Variants in PRKD1 observed in about 807,000 individuals in gnomAD.
The protein encoded by PRKD1 is protein kinase D1.
A neutral mutation model predicts 95.9 loss-of-function variants in PRKD1; 63 were observed. The observed-to-expected ratio is 0.66, with a 90% CI of 0.54 to 0.81. The LOEUF is 0.81. Among genes scored for constraint, PRKD1 ranks in the 30% least tolerant of loss-of-function variants. The pLI, the probability that PRKD1 is intolerant of heterozygous loss-of-function variation, is 0.00. For synonymous variants in PRKD1, 425 were observed against 423.1 expected (o/e 1.00, Z -0.05); for missense variants, 1,048 against 1,165.3 (o/e 0.90, Z 1.47).
chr14:29,910,457 C>T (rs1894667483), intron 1 of PRKD1, among the ~76,000 whole-genome samples: 1 of 152,104 alleles, frequency 6.6e-6, no homozygotes, highest in South Asian at 2.1e-4. Context: ...GTCAGCGAGG[C>T]CAAGAACCCA....
intron 2 of PRKD1, among the ~76,000 whole-genome samples, chr14:29,718,162 GT>G (rs945252977): frequency 1.3e-5 from 2 of 152,152 alleles, no homozygotes; most frequent in African/African-American, 4.8e-5. Flanking sequence ...TAGGCTTCGT[GT>G]CCCCACCCGA....
At chr14:29,734,156 C>G (rs796129418) in intron 1 of PRKD1, among the ~76,000 whole-genome samples, 5 of 150,690 alleles carry the variant, frequency 3.3e-5, no homozygotes, top group African/African-American at 1.2e-4. Flanking sequence ...AATTCTCCTG[C>G]CTCAGCCTCC....
chr14:29,773,880 G>A (rs1319866421), intron 1 of PRKD1, among the ~76,000 whole-genome samples: 1 of 152,196 alleles, frequency 6.6e-6, no homozygotes, highest in Non-Finnish European at 1.5e-5. Context: ...TCAGTAGTGA[G>A]TGTGACACTG....
chr14:29,727,012 C>A (rs1200441771), intron 1 of PRKD1, among the ~76,000 whole-genome samples: 2 of 152,168 alleles, frequency 1.3e-5, no homozygotes, highest in Admixed American at 6.5e-5. Flanking sequence ...TACAGTCCCA[C>A]CAACAGTGTA....
intron 1 of PRKD1, among the ~76,000 whole-genome samples, chr14:29,786,746 T>TA (rs2139182964): frequency 6.6e-6 from 1 of 152,200 alleles, no homozygotes; most frequent in South Asian, 2.1e-4. Context: ...ACGGTTAGCG[T>TA]AACTAGTGAT....
chr14:29,584,067 C>T (rs1156817912), intron 16 of PRKD1, among the ~76,000 whole-genome samples: 1 of 152,072 alleles, frequency 6.6e-6, no homozygotes, highest in African/African-American at 2.4e-5. Context: ...GCTAGGTGCA[C>T]AAGGATACCT....
At chr14:29,792,688 G>A (rs28497221) in intron 1 of PRKD1, among the ~76,000 whole-genome samples, 44 of 151,994 alleles carry the variant, frequency 2.9e-4, no homozygotes, top group African/African-American at 1.0e-3. Flanking sequence ...CCAAGACATG[G>A]CATTGTTGAA....
intron 1 of PRKD1, among the ~76,000 whole-genome samples, chr14:29,807,968 C>T (rs1225038084): frequency 1.3e-5 from 2 of 152,062 alleles, no homozygotes; most frequent in Non-Finnish European, 2.9e-5. Context: ...GTGATTCGCC[C>T]GCCTTGGCCT....
At chr14:29,707,203 A>C (rs1223680638) in intron 2 of PRKD1, among the ~76,000 whole-genome samples, 1 of 152,186 alleles carries the variant, frequency 6.6e-6, no homozygotes, top group African/African-American at 2.4e-5. Flanking sequence ...ATAGAGAAAT[A>C]TTGTTATCCA....
chr14:29,812,916 C>T lies in PRKD1; in HGVS notation c.265-87242G>A, dbSNP rs190495491. Among the ~76,000 whole-genome samples, 11 of 152,204 alleles carry T rather than the reference C, an allele frequency of 7.2e-5. No individual in the cohort carries two copies. In the East Asian group the frequency reaches 1.5e-3, roughly 21 times the overall value. On this transcript the variant is annotated intron_variant, in intron 1 of 17. Transcript: ENST00000331968. Reference sequence around the variant, plus strand: ...CTCAGGTCAGGAGTTCTTGACCAGCCGGCCTACATGGCGAAACCCTAGTCT... The same window carrying T: ...CTCAGGTCAGGAGTTCTTGACCAGCTGGCCTACATGGCGAAACCCTAGTCT...
intron 1 of PRKD1, among the ~76,000 whole-genome samples, chr14:29,868,127 T>C (rs1167593902): frequency 6.6e-6 from 1 of 152,148 alleles, no homozygotes; most frequent in Non-Finnish European, 1.5e-5. Flanking sequence ...TTACCTTATG[T>C]CTGGCCAAGT....
chr14:29,815,853 T>C (rs539521714), intron 1 of PRKD1, among the ~76,000 whole-genome samples: 1 of 152,340 alleles, frequency 6.6e-6, no homozygotes, highest in Admixed American at 6.5e-5. Context: ...TAATACTCAT[T>C]TCTTTATTAG....
In PRKD1 at chr14:29,881,289, T is replaced by C. The variant is rs535041740; in HGVS notation, c.264+45960A>G. ...AATAAGTCTCACAAGATCTGATGGG[T>C]TTATCAGGGGCTTCCACTTTTGCTC... On this transcript the variant is annotated intron_variant, in intron 1 of 17. Transcript: ENST00000331968. Among the ~76,000 whole-genome samples, 79 of 152,232 alleles carry C rather than the reference T, an allele frequency of 5.2e-4. No homozygotes were observed. The Middle Eastern group carries it at 0.01, about 20-fold the overall frequency.
intron 1 of PRKD1, among the ~76,000 whole-genome samples, chr14:29,831,660 G>T (rs999826318): frequency 6.6e-6 from 1 of 151,528 alleles, no homozygotes. Flanking sequence ...GTAGAGATGG[G>T]GTTTCACCAT....
intron 1 of PRKD1, among the ~76,000 whole-genome samples, chr14:29,746,553 CAT>C (rs1555340943): frequency 4.0e-5 from 6 of 151,662 alleles, no homozygotes; most frequent in Non-Finnish European, 5.9e-5. Context: ...CACACACACA[CAT>C]AATCCCTCTA....
intron 1 of PRKD1, among the ~76,000 whole-genome samples, chr14:29,747,740 A>C (rs1189879886): frequency 6.6e-6 from 1 of 152,088 alleles, no homozygotes. Context: ...TTTTTACTTT[A>C]TTAATTAATA....
At chr14:29,880,739 C>T (rs1474860631) in intron 1 of PRKD1, among the ~76,000 whole-genome samples, 1 of 151,970 alleles carries the variant, frequency 6.6e-6, no homozygotes, top group African/African-American at 2.4e-5. Context: ...AGGGGCGGAG[C>T]TACACAAGAC....
intron 2 of PRKD1, among the ~76,000 whole-genome samples, chr14:29,722,113 T>C (rs952466554): frequency 6.6e-6 from 1 of 152,222 alleles, no homozygotes; most frequent in Non-Finnish European, 1.5e-5. Flanking sequence ...ACTGCAGTCC[T>C]GTGTCAGAAA....
chr14:29,627,841 A>G (rs1879725908), intron 11 of PRKD1, among the ~76,000 whole-genome samples: 1 of 152,166 alleles, frequency 6.6e-6, no homozygotes, highest in Admixed American at 6.5e-5. Context: ...GATGAGTTCA[A>G]CGCTGTCTAG....
Sources: allele counts gnomAD v4.1 joint callset (sites outside exome capture counted in the v4.1 genomes callset), GRCh38; gene constraint gnomAD v4.1.1; transcripts MANE v1.5; gene names NCBI Gene and HGNC (gene_info 2026-07-23, HGNC 2026-07-21).